Variants in PTPRD observed in about 807,000 individuals in gnomAD.
The protein encoded by PTPRD is receptor-type tyrosine-protein phosphatase delta.
Under a neutral mutation model 214.5 loss-of-function variants are expected in PTPRD, and 34 were observed. The ratio of observed to expected loss-of-function variants is 0.16; its 90% CI spans 0.12 to 0.21. The LOEUF (loss-of-function observed/expected upper bound fraction) is 0.21, where lower values mean the gene tolerates loss of function less well. Ranked by LOEUF, PTPRD falls within the 10% of genes least tolerant of loss-of-function variation. The pLI is 1.00. For missense variants in PTPRD, 2,545 were observed against 2,398.7 expected, an observed-to-expected ratio of 1.06 and a Z score of -1.27; for synonymous variants, 1,128 against 845.7, an observed-to-expected ratio of 1.33 and a Z score of -5.79.
chr9:8,931,273 G>T (rs1452958746), intron 11 of PTPRD, among the ~76,000 whole-genome samples: 1 of 151,920 alleles, frequency 6.6e-6, no homozygotes, highest in Non-Finnish European at 1.5e-5. Flanking sequence ...GATAGTTGTA[G>T]ATGTGTGGTA....
At chr9:10,385,696 C>G (rs2097902112) in intron 2 of PTPRD, among the ~76,000 whole-genome samples, 1 of 151,700 alleles carries the variant, frequency 6.6e-6, no homozygotes, top group African/African-American at 2.4e-5. Context: ...GATAATATTT[C>G]ACTTATGGCT....
At chr9:9,726,168 C>T (rs1257818283) in intron 7 of PTPRD, among the ~76,000 whole-genome samples, 2 of 152,150 alleles carry the variant, frequency 1.3e-5, no homozygotes, top group African/African-American at 4.8e-5. Flanking sequence ...AATTAATCTT[C>T]TATTAGGATC....
chr9:8,395,927 G>A (rs2091031161), intron 36 of PTPRD, among the ~76,000 whole-genome samples: 1 of 152,064 alleles, frequency 6.6e-6, no homozygotes, highest in Non-Finnish European at 1.5e-5. Context: ...TTTTTGGTTA[G>A]ACAGCAACTT....
rs764457236 is a variant in PTPRD, at chr9:8,427,568, G to A, written c.4086+9024C>T. Among the ~76,000 whole-genome samples the A allele has an allele frequency of 5.1e-4, 78 of 152,058 alleles. 1 individual carries two copies. Among genetic ancestry groups the A allele is most frequent in the Non-Finnish European group, 1.8e-4 (12 of 68,002 alleles). On this transcript the variant is annotated intron_variant, in intron 35 of 45. Transcript: ENST00000381196. ...CCTGACCCAGAGAGGCTTGATCACAGCAAATGACTGGAGAGTAAGAAAGGG... is the reference window on the plus strand; with the variant it reads ...CCTGACCCAGAGAGGCTTGATCACAACAAATGACTGGAGAGTAAGAAAGGG...
chr9:8,356,923 G>C (rs2077117333), intron 39 of PTPRD, among the ~76,000 whole-genome samples: 1 of 152,124 alleles, frequency 6.6e-6, no homozygotes, highest in Non-Finnish European at 1.5e-5. Context: ...TAATTATATA[G>C]AAATACTCAA....
intron 3 of PTPRD, among the ~76,000 whole-genome samples, chr9:10,297,281 AT>A (rs994578993): frequency 1.3e-5 from 2 of 151,918 alleles, no homozygotes; most frequent in Non-Finnish European, 1.5e-5. Flanking sequence ...CTATAACATT[AT>A]TTTTTTAAGT....
intron 2 of PTPRD, among the ~76,000 whole-genome samples, chr9:10,375,563 T>A (rs2097712120): frequency 2.6e-5 from 4 of 152,038 alleles, no homozygotes; most frequent in Admixed American, 2.6e-4. Context: ...TGTTCTATCT[T>A]TGCTAATCAG....
At chr9:9,141,796 A>G (rs1414383617) in intron 10 of PTPRD, among the ~76,000 whole-genome samples, 1 of 150,972 alleles carries the variant, frequency 6.6e-6, no homozygotes, top group Non-Finnish European at 1.5e-5. Flanking sequence ...ATATATCTCT[A>G]TATAATAGTT....
intron 34 of PTPRD, among the ~76,000 whole-genome samples, chr9:8,439,553 T>C (rs924721903): frequency 1.3e-5 from 2 of 152,218 alleles, no homozygotes; most frequent in Admixed American, 1.3e-4. Flanking sequence ...AGCCAAAATG[T>C]ATACACAGTC....
chr9:9,896,990 C>T (rs116834561), intron 5 of PTPRD, among the ~76,000 whole-genome samples: 2,159 of 152,118 alleles, frequency 0.014, 58 homozygotes, highest in African/African-American at 0.049. Flanking sequence ...TTGCAGAGTT[C>T]CTCAATGGAG....
chr9:8,818,585 T>C (rs570216416), intron 11 of PTPRD, among the ~76,000 whole-genome samples: 3 of 152,326 alleles, frequency 2.0e-5, no homozygotes, highest in East Asian at 1.9e-4. Context: ...GGTTAAGCAA[T>C]CTGGCAAAAG....
At chr9:9,186,574 G>A (rs1237927127) in intron 9 of PTPRD, among the ~76,000 whole-genome samples, 2 of 151,490 alleles carry the variant, frequency 1.3e-5, no homozygotes, top group African/African-American at 4.8e-5. Context: ...TGGTACCACC[G>A]CACTCCAACC....
At chr9:10,297,123 A>AAAT (rs2095700797) in intron 3 of PTPRD, among the ~76,000 whole-genome samples, 3 of 146,554 alleles carry the variant, frequency 2.0e-5, no homozygotes, top group African/African-American at 7.4e-5. Flanking sequence ...ATATATATAA[A>AAAT]ATATATATAT....
intron 34 of PTPRD, among the ~76,000 whole-genome samples, chr9:8,448,993 G>T (rs892072372): frequency 1.3e-5 from 2 of 152,088 alleles, no homozygotes; most frequent in Admixed American, 1.3e-4. Flanking sequence ...TTCATAATTT[G>T]CCATTCATTT....
At chr9:9,760,393 T>A (rs2098641762) in intron 6 of PTPRD, among the ~76,000 whole-genome samples, 1 of 151,986 alleles carries the variant, frequency 6.6e-6, no homozygotes. Flanking sequence ...GGTAAAACAT[T>A]ATTCTGAATT....
At chr9:10,558,639 T>C (rs2063156593) in intron 2 of PTPRD, among the ~76,000 whole-genome samples, 1 of 152,180 alleles carries the variant, frequency 6.6e-6, no homozygotes, top group Non-Finnish European at 1.5e-5. Context: ...TTTGTCTACC[T>C]ACCAGACTAT....
intron 8 of PTPRD, among the ~76,000 whole-genome samples, chr9:9,468,401 A>G (rs374197576): frequency 6.6e-6 from 1 of 152,066 alleles, no homozygotes; most frequent in Non-Finnish European, 1.5e-5. Context: ...AGATATGTGC[A>G]TTTAGTTATA....
intron 3 of PTPRD, among the ~76,000 whole-genome samples, chr9:10,268,820 T>A (rs1202040223): frequency 1.3e-5 from 2 of 152,216 alleles, no homozygotes; most frequent in Non-Finnish European, 2.9e-5. Context: ...AAACTTAAAC[T>A]GGCCTTTACA....
intron 7 of PTPRD, among the ~76,000 whole-genome samples, chr9:9,633,407 C>G (rs1186898182): frequency 6.6e-6 from 1 of 151,952 alleles, no homozygotes; most frequent in African/African-American, 2.4e-5. Flanking sequence ...AGGGAGTCAC[C>G]AAATATCAAA....
Sources: allele counts gnomAD v4.1 joint callset (sites outside exome capture counted in the v4.1 genomes callset), GRCh38; gene constraint gnomAD v4.1.1; transcripts MANE v1.5; gene names NCBI Gene and HGNC (gene_info 2026-07-23, HGNC 2026-07-21).